Variants in UGT1A6 observed in about 807,000 individuals in gnomAD.
The protein encoded by UGT1A6 is UDP-glucuronosyltransferase 1A6.
UGT1A6 carries 32 observed loss-of-function variants against 44.4 expected under a neutral mutation model. That is an observed-to-expected ratio of 0.72 (90% CI 0.54 to 0.97). The LOEUF is 0.97. Among genes scored for constraint, UGT1A6 ranks in the 50% least tolerant of loss-of-function variants. UGT1A6 has a pLI of 0.00. For synonymous variants in UGT1A6, 238 were observed against 248.5 expected, an observed-to-expected ratio of 0.96 and a Z score of 0.40; for missense variants, 685 against 661.9, an observed-to-expected ratio of 1.03 and a Z score of -0.38.
At chr2:233,714,888 A>ATCTTTTTTTTTT (rs148944858) in intron 1 of UGT1A6, among the ~76,000 whole-genome samples, 15,215 of 151,802 alleles carry the variant, frequency 0.1, 867 homozygotes, top group East Asian at 0.2. Flanking sequence ...AAATTTTTCT[A>ATCTTTTTTTTTT]TCTTTTGAGA....
At chr2:233,703,124 C>T (rs1256494808) in intron 1 of UGT1A6, among the ~76,000 whole-genome samples, 1 of 152,146 alleles carries the variant, frequency 6.6e-6, no homozygotes, top group Non-Finnish European at 1.5e-5. Flanking sequence ...AATCTTTTTA[C>T]CTGTTATGGC....
intron 1 of UGT1A6, among the ~76,000 whole-genome samples, chr2:233,757,694 G>A (rs757732265): frequency 2.0e-5 from 3 of 151,666 alleles, no homozygotes; most frequent in Non-Finnish European, 4.4e-5. Flanking sequence ...ATTCAAGGAA[G>A]GTGGCTTTGC....
chr2:233,729,290 G>C (rs1376789035), intron 1 of UGT1A6: 3 of 1,614,236 alleles, frequency 1.9e-6, no homozygotes, highest in East Asian at 4.5e-5. Context: ...CATGCCAGAG[G>C]CCACCAGGCA....
At chr2:233,742,895 G>A (rs1191973216) in intron 1 of UGT1A6, 1 of 164,996 alleles carries the variant, frequency 6.1e-6, no homozygotes, top group African/African-American at 2.4e-5. Flanking sequence ...TTTCCCAACG[G>A]AAAAAGGTAA....
intron 1 of UGT1A6, chr2:233,717,875 A>G: frequency 2.2e-6 from 1 of 454,872 alleles, no homozygotes; most frequent in Non-Finnish European, 4.4e-6. Flanking sequence ...GACTTGGAGA[A>G]AAGCCTGGCC....
chr2:233,743,362 C>T (rs1294240310), intron 1 of UGT1A6: 4 of 1,036,752 alleles, frequency 3.9e-6, no homozygotes, highest in Non-Finnish European at 5.4e-6. Flanking sequence ...CTTGAAGCTG[C>T]CTGTCCCATC....
intron 1 of UGT1A6, chr2:233,729,786 G>A: frequency 6.2e-7 from 1 of 1,613,972 alleles, no homozygotes; most frequent in East Asian, 2.2e-5. Flanking sequence ...CTCTGGCCCT[G>A]TCCTACATTT....
chr2:233,716,153 A>G (rs2076488369), intron 1 of UGT1A6, among the ~76,000 whole-genome samples: 1 of 152,066 alleles, frequency 6.6e-6, no homozygotes. Flanking sequence ...TTCCATTTCC[A>G]TGGAGATGCA....
intron 1 of UGT1A6, among the ~76,000 whole-genome samples, chr2:233,766,129 A>G (rs1046451620): frequency 6.6e-6 from 1 of 152,192 alleles, no homozygotes; most frequent in Non-Finnish European, 1.5e-5. Context: ...GGTGTACCAG[A>G]AGAATCGAAT....
Position 233,769,730 on chromosome 2 carries a change from C to A in UGT1A6, c.1301+1291C>A. On this transcript the variant is annotated intron_variant, in intron 4 of 4. Transcript: ENST00000305139. The surrounding 1 kb of genome is among the most constrained non-coding windows in gnomAD (Gnocchi z 4.4). The stretch of plus-strand genomic sequence containing the variant: ...GTTGGCTAGGCACCATGGCACACGC[C>A]TGTAGTCCCAGCCACTCTGGAGGCT... The A allele has an allele frequency of 6.8e-7, 1 of 1,468,358 alleles. No homozygotes were observed. The highest frequency in any genetic ancestry group is 9.0e-7 in the Non-Finnish European group (1 of 1,108,860). 91.0% of individuals were successfully genotyped at this position (1,468,358 alleles called of 1,614,324 possible).
chr2:233,735,829 A>G (rs1353832025), intron 1 of UGT1A6, among the ~76,000 whole-genome samples: 8 of 152,278 alleles, frequency 5.3e-5, no homozygotes, highest in African/African-American at 1.9e-4. Context: ...AGAATGTTGA[A>G]TATTGGCCCC....
intron 1 of UGT1A6, among the ~76,000 whole-genome samples, chr2:233,700,393 A>AT (rs2075560829): frequency 6.6e-6 from 1 of 152,184 alleles, no homozygotes; most frequent in South Asian, 2.1e-4. Flanking sequence ...CATGTGGAAC[A>AT]TTTTGGCAGC....
intron 1 of UGT1A6, among the ~76,000 whole-genome samples, chr2:233,715,921 C>A (rs1424771340): frequency 2.6e-5 from 4 of 152,180 alleles, no homozygotes; most frequent in Admixed American, 6.5e-5. Flanking sequence ...TCATTGAGCT[C>A]AGGAGTTTCA....
At chr2:233,713,126 G>A in intron 1 of UGT1A6, 1 of 1,614,234 alleles carries the variant, frequency 6.2e-7, no homozygotes. Context: ...TCAGCATGCG[G>A]GAGGCCTTGC....
In UGT1A6 at chr2:233,772,443, T is replaced by A; in HGVS notation, c.1483T>A (p.Leu495Met). 6.2e-7 allele frequency: 1 copy of A among 1,614,238 alleles called. No homozygotes were observed. The highest frequency in any genetic ancestry group is 8.5e-7 in the Non-Finnish European group (1 of 1,180,046). ...YHSLDVIGFLLAVVLTVAFIT... is the reference protein window; with the variant it reads ...YHSLDVIGFLMAVVLTVAFIT... ...TTCCTTGGACGTGATTGGTTTCCTCTTGGCCGTCGTGCTGACAGTGGCCTT... is the reference window on the plus strand; with the variant it reads ...TTCCTTGGACGTGATTGGTTTCCTCATGGCCGTCGTGCTGACAGTGGCCTT... Residue 495 changes from leucine (L) to methionine (M), a missense_variant, in exon 5 of 5, where the codon TTG becomes ATG. Coordinates refer to ENST00000305139, the MANE Select transcript of UGT1A6 (RefSeq NM_001072.4).
intron 1 of UGT1A6, among the ~76,000 whole-genome samples, chr2:233,763,590 A>T (rs772976697): frequency 6.6e-6 from 1 of 152,156 alleles, no homozygotes; most frequent in East Asian, 1.9e-4. Context: ...TTCCTTTGTT[A>T]ACTAAAAATG....
At chr2:233,737,896 G>C (rs1414538821) in intron 1 of UGT1A6, among the ~76,000 whole-genome samples, 1 of 152,068 alleles carries the variant, frequency 6.6e-6, no homozygotes, top group Non-Finnish European at 1.5e-5. Context: ...TAATTTTCGA[G>C]TGTGGTAAAG....
intron 1 of UGT1A6, chr2:233,754,340 T>C (rs17862879): frequency 7.9e-6 from 2 of 252,142 alleles, no homozygotes; most frequent in Non-Finnish European, 1.6e-5. Flanking sequence ...GTTTAATAAA[T>C]AGCAAATTGC....
At chr2:233,734,123 A>ATAATAAT (rs1384319848) in intron 1 of UGT1A6, among the ~76,000 whole-genome samples, 2 of 151,918 alleles carry the variant, frequency 1.3e-5, no homozygotes, top group Non-Finnish European at 2.9e-5. Flanking sequence ...AATAATAATA[A>ATAATAAT]AAAGAATTTG....
Sources: gnomAD v4.1 joint callset for allele counts (sites outside exome capture counted in the v4.1 genomes callset) on GRCh38, gnomAD v4.1.1 for gene constraint, Gnocchi (gnomAD v3.1) non-coding constraint, MANE v1.5 for transcripts, NCBI Gene and HGNC (gene_info 2026-07-23, HGNC 2026-07-21) for gene names.